Variants in PPP2R2C observed in about 807,000 individuals in gnomAD.
The protein encoded by PPP2R2C is protein phosphatase 2, regulatory subunit B, gamma.
In PPP2R2C, 10 loss-of-function variants were observed where a neutral mutation model predicts 45.3. The ratio of observed to expected loss-of-function variants is 0.22; its 90% CI spans 0.14 to 0.37. The LOEUF (loss-of-function observed/expected upper bound fraction) is 0.37, where lower values mean the gene tolerates loss of function less well. Ranked by LOEUF, PPP2R2C falls within the 10% of genes least tolerant of loss-of-function variation. PPP2R2C has a pLI of 1.00. For missense variants in PPP2R2C, 308 were observed against 619.7 expected, an observed-to-expected ratio of 0.50 and a Z score of 5.34; for synonymous variants, 257 against 245.4, an observed-to-expected ratio of 1.05 and a Z score of -0.44.
chr4:6,549,088 G>C (rs1213688859), intron 1 of PPP2R2C, among the ~76,000 whole-genome samples: 1 of 152,154 alleles, frequency 6.6e-6, no homozygotes, highest in Non-Finnish European at 1.5e-5. Context: ...GGTTAATCCT[G>C]TCCAGACCTC....
intron 1 of PPP2R2C, among the ~76,000 whole-genome samples, chr4:6,547,574 C>T (rs1199964377): frequency 2.0e-5 from 3 of 151,966 alleles, no homozygotes; most frequent in Admixed American, 6.6e-5. Context: ...AAACGCTCTG[C>T]GGATTTCTGA....
At chr4:6,356,886 G>A in intron 5 of PPP2R2C, among the ~76,000 whole-genome samples, 1 of 151,978 alleles carries the variant, frequency 6.6e-6, no homozygotes. Context: ...GGACAGTGAG[G>A]TGCTGGGCAG....
In PPP2R2C at chr4:6,331,912, C is replaced by A. The variant is rs1189295956; in HGVS notation, c.960+1650G>T. Among the ~76,000 whole-genome samples the A allele has an allele frequency of 6.6e-6, 1 of 152,212 alleles. No individual in the cohort carries two copies. The highest frequency in any genetic ancestry group is 6.5e-5 in the Admixed American group (1 of 15,288). ...CTGCTACACACAATTTCTAGCACAT[C>A]ACAAGCCACCAAAAAATGTTGGTTG... On this transcript the variant is annotated intron_variant, in intron 7 of 8. Coordinates refer to ENST00000382599, the MANE Select transcript of PPP2R2C (RefSeq NM_020416.4). The surrounding 1 kb of genome is among the most constrained non-coding windows in gnomAD (Gnocchi z 5.9).
At chr4:6,336,314 A>G (rs1480784027) in intron 6 of PPP2R2C, among the ~76,000 whole-genome samples, 5 of 151,908 alleles carry the variant, frequency 3.3e-5, no homozygotes, top group Non-Finnish European at 7.4e-5. Flanking sequence ...ACAAGGGCAC[A>G]TTGAAGGGAG....
chr4:6,487,828 A>G lies in PPP2R2C; in HGVS notation c.49+47443T>C, dbSNP rs566359579. Among the ~76,000 whole-genome samples the G allele has an allele frequency of 2.0e-5, 3 of 152,292 alleles. No individual in the cohort carries two copies. The South Asian group carries it at 6.2e-4, about 32-fold the overall frequency. ...TGTCCCTTCCTCTCCTCTCTTTCAG[A>G]AACCCCAGTTATACATATATTACGC... On this transcript the variant is annotated intron_variant, in intron 2 of 9. Transcript: ENST00000506140.
intron 1 of PPP2R2C, among the ~76,000 whole-genome samples, chr4:6,402,840 G>A (rs186571064): frequency 1.2e-3 from 186 of 152,352 alleles, no homozygotes; most frequent in Middle Eastern, 3.4e-3. Flanking sequence ...GCGCCCAGCT[G>A]GAGCACCTGT....
At chr4:6,372,422 G>C (rs2109296205) in intron 5 of PPP2R2C, 101 bp downstream of exon 5, 1 of 1,299,108 alleles carries the variant, frequency 7.7e-7, no homozygotes, top group South Asian at 1.3e-5. Context: ...AAACAATGCA[G>C]CCATCCCCAA....
At chr4:6,340,958 G>A (rs1248172227) in intron 6 of PPP2R2C, among the ~76,000 whole-genome samples, 3 of 152,256 alleles carry the variant, frequency 2.0e-5, no homozygotes, top group South Asian at 2.1e-4. Context: ...CACCTGGAGA[G>A]CTGCAGGGTC....
chr4:6,534,246 C>T (rs1222791878), intron 2 of PPP2R2C, among the ~76,000 whole-genome samples: 1 of 150,550 alleles, frequency 6.6e-6, no homozygotes, highest in Non-Finnish European at 1.5e-5. Flanking sequence ...AACACACATA[C>T]ACACACAGTA....
At chr4:6,356,667 C>A (rs1332086570) in intron 5 of PPP2R2C, among the ~76,000 whole-genome samples, 2 of 152,260 alleles carry the variant, frequency 1.3e-5, no homozygotes, top group South Asian at 4.1e-4. Flanking sequence ...CAGGACCAGG[C>A]TCAGAGTGGG....
At chr4:6,548,866 G>C (rs1725082739) in intron 1 of PPP2R2C, among the ~76,000 whole-genome samples, 1 of 152,168 alleles carries the variant, frequency 6.6e-6, no homozygotes, top group Admixed American at 6.5e-5. Context: ...CTTTCTTGAA[G>C]GGGGATCTGA....
rs779396730 is a variant in PPP2R2C, at chr4:6,342,079, GATACACAC to G, written c.790+5759_790+5766del. On this transcript the variant is annotated intron_variant, in intron 6 of 8. Coordinates refer to ENST00000382599, the MANE Select transcript of PPP2R2C (RefSeq NM_020416.4). ...TGAAAACATTTTGGAGATCTGCCAC[GATACACAC>G]ACACACACACACACACACACACACA... is the stretch of plus-strand genomic sequence containing the variant. Among the ~76,000 whole-genome samples, 85 of 86,510 alleles carry G rather than the reference GATACACAC, an allele frequency of 9.8e-4. 1 individual carries two copies. The highest frequency in any genetic ancestry group is 3.2e-3 in the African/African-American group (79 of 24,354). 56.8% of individuals were successfully genotyped at this position (86,510 alleles called of 152,430 possible). A position where few individuals can be genotyped will look rare whatever the true frequency, so the allele number is the denominator to read the frequency against.
At chr4:6,510,478 G>A (rs1184787469) in intron 2 of PPP2R2C, among the ~76,000 whole-genome samples, 3 of 152,130 alleles carry the variant, frequency 2.0e-5, no homozygotes, top group Non-Finnish European at 4.4e-5. Context: ...TCTTCATGGT[G>A]CTTATATGTA....
intron 2 of PPP2R2C, among the ~76,000 whole-genome samples, chr4:6,509,142 G>A (rs562060283): frequency 1.3e-5 from 2 of 152,256 alleles, no homozygotes; most frequent in South Asian, 2.1e-4. Context: ...TGTTTGAACC[G>A]CAGTGTTTAA....
At chr4:6,358,791 T>C (rs1397608673) in intron 5 of PPP2R2C, among the ~76,000 whole-genome samples, 1 of 152,188 alleles carries the variant, frequency 6.6e-6, no homozygotes, top group African/African-American at 2.4e-5. Context: ...AAAACCACAA[T>C]GAGATACCAT....
intron 2 of PPP2R2C, among the ~76,000 whole-genome samples, chr4:6,513,562 T>C (rs1490751346): frequency 6.6e-6 from 1 of 152,198 alleles, no homozygotes; most frequent in African/African-American, 2.4e-5. Context: ...GCAATTGCCA[T>C]GCACAGACCC....
chr4:6,450,228 G>C (rs1577192159), intron 1 of PPP2R2C, among the ~76,000 whole-genome samples: 1 of 1,048 alleles, frequency 9.5e-4, no homozygotes, highest in Non-Finnish European at 0.17. Context: ...GGGGTGGAGT[G>C]GGGGGGTTCA....
At chr4:6,336,646 TC>T (rs1732890038) in intron 6 of PPP2R2C, among the ~76,000 whole-genome samples, 2 of 6,330 alleles carry the variant, frequency 3.2e-4, no homozygotes, top group East Asian at 3.4e-3. Context: ...CCTCCCTCCC[TC>T]CCTCCCTCCC....
chr4:6,395,891 C>A (rs1716998459), intron 1 of PPP2R2C, among the ~76,000 whole-genome samples: 1 of 152,174 alleles, frequency 6.6e-6, no homozygotes, highest in Non-Finnish European at 1.5e-5. Flanking sequence ...CTCCCCCAGG[C>A]CCCCTCTCTG....
Sources: gnomAD v4.1 joint callset for allele counts (sites outside exome capture counted in the v4.1 genomes callset) on GRCh38, gnomAD v4.1.1 for gene constraint, Gnocchi (gnomAD v3.1) non-coding constraint, MANE v1.5 for transcripts, NCBI Gene and HGNC (gene_info 2026-07-23, HGNC 2026-07-21) for gene names.